The following MAEL variants were observed in gnomAD, a reference collection of about 807,000 sequenced individuals.
MAEL encodes the protein maelstrom spermatogenic transposon silencer.
Under a neutral mutation model 62.0 loss-of-function variants are expected in MAEL, and 46 were observed. The ratio of observed to expected loss-of-function variants is 0.74; its 90% CI spans 0.59 to 0.95. The LOEUF is 0.95. Among genes scored for constraint, MAEL ranks in the 40% least tolerant of loss-of-function variants. The pLI is 0.00. For missense variants in MAEL, 497 were observed against 526.8 expected, an observed-to-expected ratio of 0.94 and a Z score of 0.55; for synonymous variants, 172 against 175.5, an observed-to-expected ratio of 0.98 and a Z score of 0.16.
intron 1 of MAEL, among the ~76,000 whole-genome samples, chr1:166,977,997 A>T (rs1663646162): frequency 6.6e-6 from 1 of 152,194 alleles, no homozygotes; most frequent in East Asian, 1.9e-4. Context: ...GAGCAAGTTT[A>T]TACATGTGAA....
At chr1:167,006,621 A>G (rs1435308185) in intron 8 of MAEL, among the ~76,000 whole-genome samples, 2 of 84,292 alleles carry the variant, frequency 2.4e-5, no homozygotes, top group African/African-American at 1.0e-4. Context: ...ATATATATAT[A>G]TATATATATA....
upstream of MAEL, among the ~76,000 whole-genome samples, chr1:166,986,416 GGGA>G (rs1159098977): frequency 6.6e-6 from 1 of 152,194 alleles, no homozygotes; most frequent in Non-Finnish European, 1.5e-5. Flanking sequence ...AGACAGAAGT[GGGA>G]CGGTGGTGCG....
intron 1 of MAEL, among the ~76,000 whole-genome samples, chr1:166,982,383 T>A (rs1663783185): frequency 6.6e-6 from 1 of 152,148 alleles, no homozygotes; most frequent in Admixed American, 6.5e-5. Context: ...ATGTGGATAA[T>A]CATGGAATCT....
At chr1:167,021,317 A>G (rs1341085269) in intron 11 of MAEL, among the ~76,000 whole-genome samples, 157 bp downstream of exon 11, 1 of 152,222 alleles carries the variant, frequency 6.6e-6, no homozygotes, top group Non-Finnish European at 1.5e-5. Context: ...CACCTTAAAC[A>G]ATTTAGATGT....
chr1:167,002,474 C>G (rs921887537), intron 5 of MAEL, among the ~76,000 whole-genome samples: 2 of 152,168 alleles, frequency 1.3e-5, no homozygotes, highest in African/African-American at 4.8e-5. Context: ...CTAACAGAAT[C>G]TCTTCATATG....
At chr1:167,016,400 C>G in intron 9 of MAEL, 116 bp downstream of exon 9, 1 of 898,946 alleles carries the variant, frequency 1.1e-6, no homozygotes, top group Non-Finnish European at 1.8e-6. Context: ...AATGCTCTTT[C>G]AAAACAAAGG....
At chr1:166,989,893 A>G (rs1664089388) in intron 2 of MAEL, 64 bp downstream of exon 2, 10 of 1,170,834 alleles carry the variant, frequency 8.5e-6, no homozygotes, top group Non-Finnish European at 1.2e-5. Flanking sequence ...TAAAGGCTGG[A>G]TGAGTGAATG....
In MAEL at chr1:166,991,382, C is replaced by T. The variant is rs769001212; in HGVS notation, c.230C>T (p.Pro77Leu). 2.5e-6 allele frequency: 4 copies of T among 1,606,658 alleles called. No individual in the cohort carries two copies. In the South Asian group the frequency reaches 3.3e-5, roughly 13 times the overall value. ...KDPGPSEKQK[P>L]VFTPLRRPGM... ...AATCATTCTCTTCCTCTTTAGAAACCTGTTTTCACACCACTGAGGAGGCCA... is the reference window on the plus strand; with the variant it reads ...AATCATTCTCTTCCTCTTTAGAAACTTGTTTTCACACCACTGAGGAGGCCA... Residue 77 changes from proline to leucine, a missense_variant, in exon 3 of 12, where the codon CCT becomes CTT. Physicochemically the swap from Pro to Leu is moderately conservative, Grantham distance 98 (BLOSUM62 -3). Transcript: ENST00000367872.
intron 8 of MAEL, among the ~76,000 whole-genome samples, chr1:167,006,871 C>T (rs368668856): frequency 3.3e-5 from 5 of 151,538 alleles, no homozygotes; most frequent in Non-Finnish European, 7.4e-5. Context: ...CCTCACCTCA[C>T]GTGATCCACC....
In MAEL at chr1:167,022,050, G is replaced by T; in HGVS notation, c.*195G>T. The T allele has an allele frequency of 2.0e-6, 1 of 512,282 alleles. No individual in the cohort carries two copies. The highest frequency in any genetic ancestry group is 3.2e-5 in the East Asian group (1 of 31,386). The allele number at this position is 512,282 out of a possible 1,614,324, so 31.7% of individuals were successfully genotyped here. ...GGCATTTGTGCTTTTTTTCTTGAGG[G>T]ATTGTTCTGCTTCCTGGCTGTATGA... On this transcript the variant is annotated 3_prime_UTR_variant, in exon 12 of 12. Coordinates refer to ENST00000367872, the MANE Select transcript of MAEL (RefSeq NM_032858.3).
chr1:167,013,722 G>A (rs1665265327), intron 8 of MAEL, among the ~76,000 whole-genome samples: 1 of 152,108 alleles, frequency 6.6e-6, no homozygotes, highest in Non-Finnish European at 1.5e-5. Flanking sequence ...TTAGAAATGA[G>A]GCTACAAAGC....
At chr1:166,988,247 G>A (rs750999039), upstream of MAEL, among the ~76,000 whole-genome samples, 1 of 151,538 alleles carries the variant, frequency 6.6e-6, no homozygotes, top group Non-Finnish European at 1.5e-5. Flanking sequence ...TACTCGGGGG[G>A]CTGAGATGGG....
upstream of MAEL, among the ~76,000 whole-genome samples, chr1:166,986,974 G>GTGTGTT (rs1663939098): frequency 1.4e-5 from 2 of 145,372 alleles, no homozygotes; most frequent in South Asian, 2.1e-4. Context: ...GTGTGTGTGT[G>GTGTGTT]TGTGTGTTTA....
At chr1:166,985,317 A>G (rs1015475344), upstream of MAEL, among the ~76,000 whole-genome samples, 3 of 152,192 alleles carry the variant, frequency 2.0e-5, no homozygotes, top group Non-Finnish European at 4.4e-5. Flanking sequence ...AGGGAACAGC[A>G]CAATCACCAA....
intron 10 of MAEL, among the ~76,000 whole-genome samples, chr1:167,019,974 C>A (rs1233782281): frequency 5.3e-5 from 8 of 152,270 alleles, no homozygotes; most frequent in African/African-American, 1.7e-4. Context: ...ACCTAACAAT[C>A]ATATCCTGGA....
intron 1 of MAEL, among the ~76,000 whole-genome samples, chr1:166,975,924 G>T (rs890307583): frequency 6.6e-6 from 1 of 152,096 alleles, no homozygotes; most frequent in Non-Finnish European, 1.5e-5. Flanking sequence ...GGACGGCGGG[G>T]ACTTGGCGTA....
In MAEL at chr1:167,022,051, A is replaced by G. The variant is rs951237284; in HGVS notation, c.*196A>G. The G allele has an allele frequency of 1.9e-6, 1 of 514,352 alleles. No homozygotes were observed. Among genetic ancestry groups the G allele is most frequent in the Admixed American group, 3.7e-5 (1 of 26,830 alleles). The allele number at this position is 514,352 out of a possible 1,614,324, so 31.9% of individuals were successfully genotyped here. On this transcript the variant is annotated 3_prime_UTR_variant, in exon 12 of 12. Transcript: ENST00000367872. ...GCATTTGTGCTTTTTTTCTTGAGGG[A>G]TTGTTCTGCTTCCTGGCTGTATGAT...
At chr1:166,992,876 T>G in intron 4 of MAEL, 35 bp downstream of exon 4, 1 of 1,510,528 alleles carries the variant, frequency 6.6e-7, no homozygotes. Flanking sequence ...ATCTTAAACG[T>G]GTATGGTTTT....
chr1:167,000,223 G>A (rs1304332040), intron 5 of MAEL, among the ~76,000 whole-genome samples: 1 of 152,110 alleles, frequency 6.6e-6, no homozygotes, highest in Admixed American at 6.5e-5. Flanking sequence ...AACCTGAAAA[G>A]GATTCACCAT....
Sources: gnomAD v4.1 joint callset for allele counts (sites outside exome capture counted in the v4.1 genomes callset) on GRCh38, gnomAD v4.1.1 for gene constraint, MANE v1.5 for transcripts, NCBI Gene and HGNC (gene_info 2026-07-23, HGNC 2026-07-21) for gene names.